The following UBAC2 variants were observed in gnomAD, a reference collection of about 807,000 sequenced individuals.
UBAC2 encodes the protein ubiquitin-associated domain-containing protein 2.
A neutral mutation model predicts 44.0 loss-of-function variants in UBAC2; 26 were observed. The ratio of observed to expected loss-of-function variants is 0.59; its 90% confidence interval spans 0.43 to 0.82. UBAC2 has a LOEUF of 0.82. UBAC2 is among the 40% of genes least tolerant of loss of function. UBAC2 has a pLI of 0.00. For synonymous variants in UBAC2, 155 were observed against 154.3 expected (o/e 1.00, Z -0.04); for missense variants, 329 against 419.4 (o/e 0.78, Z 1.88).
intron 8 of UBAC2, among the ~76,000 whole-genome samples, chr13:99,381,704 C>T (rs995012256): frequency 6.6e-6 from 1 of 152,148 alleles, no homozygotes; most frequent in Non-Finnish European, 1.5e-5. Flanking sequence ...GTTTTCCTTC[C>T]ACATGACACA....
At chr13:99,336,011 A>G (rs899904622) in intron 6 of UBAC2, among the ~76,000 whole-genome samples, 21 of 152,258 alleles carry the variant, frequency 1.4e-4, no homozygotes, top group Admixed American at 5.9e-4. Context: ...AAAAAAAAAA[A>G]AGAGATAAAA....
chr13:99,263,930 G>A (rs2043705170), intron 4 of UBAC2, among the ~76,000 whole-genome samples: 1 of 152,182 alleles, frequency 6.6e-6, no homozygotes, highest in Admixed American at 6.5e-5. Flanking sequence ...ATTTCAAAAA[G>A]CAGATGAAAT....
rs566198791 is a variant in UBAC2 at position 99,340,548 on chromosome 13, C to T, written c.790C>T (p.Arg264Ter). Residue 264 changes from arginine to a stop codon, truncating the protein, a stop_gained, in exon 7 of 9, where the codon CGA (arginine) becomes TGA (stop). Coordinates refer to ENST00000403766, the MANE Select transcript of UBAC2 (RefSeq NM_001144072.2). LOFTEE classifies it high-confidence loss of function. Reference protein sequence around the residue: ...LMFSQFAQGRRQRQQQGGMIN... With the variant: ...LMFSQFAQGR ...GTTCTCTCAGTTTGCACAAGGGAGG[C>T]GACAGAGACAGCAGCAGGTAAAAGT... The T allele has an allele frequency of 2.5e-6, 4 of 1,613,212 alleles. No homozygotes were observed. Among genetic ancestry groups the T allele is most frequent in the South Asian group, 2.2e-5 (2 of 91,024 alleles).
In UBAC2 at chr13:99,298,287, AAT is replaced by A. The variant is rs1365489861; in HGVS notation, c.390-15808_390-15807del. 2.6e-5 allele frequency among the ~76,000 whole-genome samples: 4 copies of A among 152,320 alleles called. No individual in the cohort carries two copies. In the East Asian group the frequency reaches 5.8e-4, roughly 22 times the overall value. ...ACCAGAAGACTCAAAGCTTTCAGAA[AAT>A]AGTTATTTTCTGATCACATTGCTTG... On this transcript the variant is annotated intron_variant, in intron 4 of 8. Transcript: ENST00000403766.
chr13:99,319,234 G>A (rs1403858149), intron 6 of UBAC2, among the ~76,000 whole-genome samples: 2 of 151,932 alleles, frequency 1.3e-5, no homozygotes, highest in African/African-American at 4.8e-5. Context: ...AGCATGAAGT[G>A]GAGTTTTATT....
At chr13:99,303,930 G>A (rs139112601) in intron 4 of UBAC2, among the ~76,000 whole-genome samples, 4 of 152,238 alleles carry the variant, frequency 2.6e-5, no homozygotes, top group Admixed American at 6.5e-5. Flanking sequence ...TCTGGTCAGC[G>A]AGCAGTCCCT....
chr13:99,335,213 A>G (rs1268209325), intron 6 of UBAC2, among the ~76,000 whole-genome samples: 1 of 152,246 alleles, frequency 6.6e-6, no homozygotes, highest in Non-Finnish European at 1.5e-5. Context: ...ACTTCATTCA[A>G]ATCTCACAGC....
At position 99,368,726 on chromosome 13, in the gene UBAC2, TAC is replaced by T. The variant is rs200598447; in HGVS notation, c.927+824_927+825del. On this transcript the variant is annotated intron_variant, in intron 8 of 8. Coordinates refer to ENST00000403766, the MANE Select transcript of UBAC2 (RefSeq NM_001144072.2). ...GTGTGTGTGTGTGTGTGTGTGTGTG[TAC>T]ACATACCCTCACTCTGACCGAGAGG... 8.5e-3 allele frequency among the ~76,000 whole-genome samples: 1,244 copies of T among 145,564 alleles called. 21 individuals carry two copies. The highest frequency in any genetic ancestry group is 0.03 in the African/African-American group (1,143 of 37,878).
At chr13:99,255,261 A>C in intron 4 of UBAC2, 1 of 1,614,148 alleles carries the variant, frequency 6.2e-7, no homozygotes, top group Non-Finnish European at 8.5e-7. Flanking sequence ...AGTAGCACCC[A>C]ATCATGATGA....
chr13:99,338,350 G>A (rs1308331143), intron 6 of UBAC2, among the ~76,000 whole-genome samples: 3 of 152,120 alleles, frequency 2.0e-5, no homozygotes, highest in Non-Finnish European at 2.9e-5. Context: ...GAGCCACTGC[G>A]CCCAACCTTG....
At chr13:99,272,291 A>G (rs1214818442) in intron 4 of UBAC2, among the ~76,000 whole-genome samples, 1 of 152,182 alleles carries the variant, frequency 6.6e-6, no homozygotes, top group Admixed American at 6.5e-5. Context: ...ATTTTTAAGC[A>G]TGTATAAGAA....
chr13:99,255,357 G>T (rs749743204), intron 4 of UBAC2: 2 of 1,614,180 alleles, frequency 1.2e-6, no homozygotes, highest in Non-Finnish European at 1.7e-6. Flanking sequence ...AAATCTTGAG[G>T]CAGGTGGCGG....
intron 4 of UBAC2, among the ~76,000 whole-genome samples, chr13:99,286,594 C>T (rs1312147204): frequency 2.0e-5 from 3 of 152,028 alleles, no homozygotes; most frequent in East Asian, 3.9e-4. Context: ...ACAAATGAGC[C>T]CATCACCCAG....
At chr13:99,233,622 A>G (rs1314869882) in intron 1 of UBAC2, among the ~76,000 whole-genome samples, 1 of 152,202 alleles carries the variant, frequency 6.6e-6, no homozygotes, top group Non-Finnish European at 1.5e-5. Flanking sequence ...AACGTTGGAA[A>G]AAGAATGCAA....
Position 99,386,446 on chromosome 13 carries a change from A to G in UBAC2, c.*1111A>G, listed in dbSNP as rs2045621599. 6.6e-6 allele frequency: 1 copy of G among 152,252 alleles called. No homozygotes were observed. The highest frequency in any genetic ancestry group is 1.5e-5 in the Non-Finnish European group (1 of 68,038). The allele number at this position is 152,252 out of a possible 1,614,324, so 9.4% of individuals were successfully genotyped here. On this transcript the variant is annotated 3_prime_UTR_variant, in exon 9 of 9. Transcript: ENST00000403766. ...GTGTTTTACTCTTCAGTATTTTTCT[A>G]TCAGACTTGTACAAATAAAGCCTTG...
chr13:99,354,432 C>T lies in UBAC2; in HGVS notation c.808-13355C>T, dbSNP rs575325690. 5.4e-4 allele frequency among the ~76,000 whole-genome samples: 82 copies of T among 152,330 alleles called. 1 individual carries two copies. The South Asian group carries it at 0.016, about 29-fold the overall frequency. ...CTATCTAGTCCAGCTTTCCATTTTA[C>T]AGCTGGGGAAACCCAGACTCAGGGT... is the stretch of plus-strand genomic sequence containing the variant. On this transcript the variant is annotated intron_variant, in intron 7 of 8. Coordinates refer to ENST00000403766, the MANE Select transcript of UBAC2 (RefSeq NM_001144072.2).
intron 1 of UBAC2, among the ~76,000 whole-genome samples, chr13:99,224,333 T>C (rs939117442): frequency 2.0e-5 from 3 of 152,194 alleles, no homozygotes; most frequent in African/African-American, 7.2e-5. Flanking sequence ...ATTACCTCTT[T>C]AAAGGGCCTA....
At chr13:99,246,433 C>T (rs535322631) in intron 4 of UBAC2, among the ~76,000 whole-genome samples, 3 of 152,292 alleles carry the variant, frequency 2.0e-5, no homozygotes, top group Admixed American at 1.3e-4. Context: ...GCCAAATCAT[C>T]AGTTTTCCCC....
chr13:99,228,255 T>C (rs2043133352), intron 1 of UBAC2, among the ~76,000 whole-genome samples: 1 of 151,944 alleles, frequency 6.6e-6, no homozygotes, highest in South Asian at 2.1e-4. Flanking sequence ...GTTGTGATGG[T>C]GCTGGTGGTA....
Sources: gnomAD v4.1 joint callset for allele counts (sites outside exome capture counted in the v4.1 genomes callset) on GRCh38, gnomAD v4.1.1 for gene constraint, MANE v1.5 for transcripts, NCBI Gene and HGNC (gene_info 2026-07-23, HGNC 2026-07-21) for gene names.